Variants in CAPN5 observed in about 807,000 individuals in gnomAD.
CAPN5 encodes the protein calpain 5, also known as calpain-5.
Under a neutral mutation model 73.0 loss-of-function variants are expected in CAPN5, and 54 were observed. The observed-to-expected ratio is 0.74, with a 90% CI of 0.59 to 0.93. The LOEUF (loss-of-function observed/expected upper bound fraction) is 0.93, where lower values mean the gene tolerates loss of function less well. Ranked by LOEUF, CAPN5 falls within the 40% of genes least tolerant of loss-of-function variation. The pLI, the probability that CAPN5 is intolerant of heterozygous loss-of-function variation, is 0.00. For missense variants in CAPN5, 785 were observed against 882.9 expected, an observed-to-expected ratio of 0.89 and a Z score of 1.41; for synonymous variants, 335 against 356.9, an observed-to-expected ratio of 0.94 and a Z score of 0.69.
chr11:77,112,759 T>C lies in CAPN5; in HGVS notation c.468T>C (p.Asn156=). The stretch of plus-strand genomic sequence containing the variant: ...TCTACTGCCACTCCAACTCCCGCAA[T>C]GAGTTTTGGTGCGCCCTAGTGGAGA... ...QLIYCHSNSR[N]EFWCALVEKA... The change falls in exon 4 of 13, where the codon AAT becomes AAC. Residue 156 remains asparagine (N), a synonymous_variant. Coordinates refer to ENST00000648180, the MANE Select transcript of CAPN5 (RefSeq NM_004055.5). 1 of 1,614,108 alleles carries C rather than the reference T, an allele frequency of 6.2e-7. No individual in the cohort carries two copies. Among genetic ancestry groups the C allele is most frequent in the East Asian group, 2.2e-5 (1 of 44,884 alleles).
Position 77,115,530 on chromosome 11 carries a change from A to G in CAPN5, c.835A>G (p.Met279Val), listed in dbSNP as rs1950458240. 1 of 1,613,106 alleles carries G rather than the reference A, an allele frequency of 6.2e-7. No individual in the cohort carries two copies. Among genetic ancestry groups the G allele is most frequent in the Non-Finnish European group, 8.5e-7 (1 of 1,179,994 alleles). Residue 279 changes from methionine to valine, a missense_variant, in exon 6 of 13, where the codon ATG (methionine) becomes GTG (valine). Transcript: ENST00000648180. ...LAFFKSEKLD[M>V]IRLRNPWGER... is the part of the protein sequence containing the mutation. ...CTTCTTCAAGTCAGAGAAGTTGGAC[A>G]TGATCCGCCTGCGCAACCCCTGGGG...
At chr11:77,111,805 T>A (rs1178766302) in intron 3 of CAPN5, among the ~76,000 whole-genome samples, 1 of 152,164 alleles carries the variant, frequency 6.6e-6, no homozygotes, top group African/African-American at 2.4e-5. Context: ...CCAAGGGCCA[T>A]GAGACTGAGA....
intron 10 of CAPN5, among the ~76,000 whole-genome samples, chr11:77,121,212 T>G (rs1950517731): frequency 6.6e-6 from 1 of 152,230 alleles, no homozygotes; most frequent in African/African-American, 2.4e-5. Context: ...CCAGTGAGAT[T>G]CAGGGGCCGA....
Position 77,112,466 on chromosome 11 carries a change from T to C in CAPN5, c.298-123T>C. ...GTCTCACGAAGGCTTGTGGCAGAGT[T>C]GGAATCCGAACCCAGTATTCCTTTA... On this transcript the variant is annotated intron_variant, in intron 3 of 12. Coordinates refer to ENST00000648180, the MANE Select transcript of CAPN5 (RefSeq NM_004055.5). 4.1e-6 allele frequency: 3 copies of C among 738,038 alleles called. No individual in the cohort carries two copies. In the South Asian group the frequency reaches 5.1e-5, roughly 12 times the overall value. 45.7% of individuals were successfully genotyped at this position (738,038 alleles called of 1,614,324 possible).
intron 1 of CAPN5, among the ~76,000 whole-genome samples, chr11:77,071,990 G>T (rs1195705189): frequency 6.6e-6 from 1 of 152,134 alleles, no homozygotes; most frequent in Non-Finnish European, 1.5e-5. Flanking sequence ...GCCATACTGG[G>T]CCCCGCTTCT....
chr11:77,080,843 A>G (rs546229412), intron 1 of CAPN5, among the ~76,000 whole-genome samples: 2 of 152,324 alleles, frequency 1.3e-5, no homozygotes, highest in African/African-American at 4.8e-5. Flanking sequence ...CACCTTGCCC[A>G]AGGACACACA....
intron 1 of CAPN5, among the ~76,000 whole-genome samples, chr11:77,072,490 G>A (rs1949918639): frequency 6.6e-6 from 1 of 152,204 alleles, no homozygotes; most frequent in Non-Finnish European, 1.5e-5. Context: ...TGGAATGGGG[G>A]ACACACCTGA....
chr11:77,118,106 G>A (rs368529586), intron 7 of CAPN5, 51 bp from the exon 8 acceptor site: 6 of 1,537,656 alleles, frequency 3.9e-6, no homozygotes, highest in African/African-American at 2.7e-5. Context: ...GGGGCCAAGA[G>A]CCTGGGGAGG....
At chr11:77,107,318 C>T (rs1950362007) in intron 3 of CAPN5, among the ~76,000 whole-genome samples, 1 of 152,172 alleles carries the variant, frequency 6.6e-6, no homozygotes, top group African/African-American at 2.4e-5. Context: ...TACAGGAAAC[C>T]TCCCTGTAGC....
At chr11:77,121,090 T>C (rs1950516605) in intron 10 of CAPN5, among the ~76,000 whole-genome samples, 181 bp downstream of exon 10, 1 of 152,242 alleles carries the variant, frequency 6.6e-6, no homozygotes, top group African/African-American at 2.4e-5. Flanking sequence ...TCCCTGGCCA[T>C]GACTAGGAAC....
In CAPN5 at chr11:77,113,523, C is replaced by T. The variant is rs907862545; in HGVS notation, c.507-719C>T. Among the ~76,000 whole-genome samples, 265 of 152,218 alleles carry T rather than the reference C, an allele frequency of 1.7e-3. 3 individuals carry two copies. The highest frequency in any genetic ancestry group is 2.8e-3 in the Non-Finnish European group (188 of 68,018). Reference sequence around the variant, plus strand: ...ACTCTCTGGTTCCTCCTGCTAGGCCCATTTGTCAATCTTGCTGAAAAAATG... The same window carrying T: ...ACTCTCTGGTTCCTCCTGCTAGGCCTATTTGTCAATCTTGCTGAAAAAATG... On this transcript the variant is annotated intron_variant, in intron 4 of 12. Transcript: ENST00000648180.
At chr11:77,089,064 G>A (rs918433774) in intron 2 of CAPN5, among the ~76,000 whole-genome samples, 2 of 152,192 alleles carry the variant, frequency 1.3e-5, no homozygotes, top group African/African-American at 4.8e-5. Flanking sequence ...AACCTGCCAA[G>A]CTTTGCTAAG....
At chr11:77,103,064 G>A (rs2233549) in intron 3 of CAPN5, 339,206 of 1,613,472 alleles carry the variant, frequency 0.21, 36,614 homozygotes, top group South Asian at 0.3. Flanking sequence ...TGGACAAGCC[G>A]GGCAAGGTCA....
chr11:77,100,877 C>T (rs997979032), intron 3 of CAPN5, among the ~76,000 whole-genome samples: 5 of 152,234 alleles, frequency 3.3e-5, no homozygotes, highest in African/African-American at 9.6e-5. Flanking sequence ...TTCTATCAGC[C>T]TTCACCTTCA....
At chr11:77,081,746 G>A (rs528905855) in intron 1 of CAPN5, among the ~76,000 whole-genome samples, 1 of 152,296 alleles carries the variant, frequency 6.6e-6, no homozygotes, top group African/African-American at 2.4e-5. Context: ...GCTACAGTCT[G>A]GATAGTGGGG....
chr11:77,085,038 G>A lies in CAPN5; in HGVS notation c.152G>A (p.Trp51Ter), dbSNP rs782508604. Residue 51 changes from tryptophan (W) to a stop codon, truncating the protein, a stop_gained, in exon 2 of 13, where the codon TGG becomes TAG. Transcript: ENST00000648180. LOFTEE classifies it high-confidence loss of function. ...GGCACGCCGGGGCCCGCCGTCAGGTGGAAGCGACCCAAGGTCAGTGTCTGG... is the reference window on the plus strand; with the variant it reads ...GGCACGCCGGGGCCCGCCGTCAGGTAGAAGCGACCCAAGGTCAGTGTCTGG... ...YKGTPGPAVRWKRPKGICEDP... is the reference protein window; with the variant it reads ...YKGTPGPAVR 4 of 1,613,398 alleles carry A rather than the reference G, an allele frequency of 2.5e-6. No homozygotes were observed. The highest frequency in any genetic ancestry group is 1.7e-5 in the Admixed American group (1 of 60,022).
At chr11:77,091,897 C>A (rs187207885) in intron 2 of CAPN5, among the ~76,000 whole-genome samples, 105 of 152,338 alleles carry the variant, frequency 6.9e-4, no homozygotes, top group African/African-American at 2.2e-3. Context: ...GGGCTTGATA[C>A]TTTACATACA....
rs577861809 is a variant in CAPN5, at chr11:77,105,718, C to G, written c.298-6871C>G. Among the ~76,000 whole-genome samples, 7 of 152,342 alleles carry G rather than the reference C, an allele frequency of 4.6e-5. No individual in the cohort carries two copies. In the East Asian group the frequency reaches 1.3e-3, roughly 29 times the overall value. ...TTGGTTCTGTGAAGGTCCTTCCAGCCCCACCCTCCAGGAATTGTCAAACCT... is the reference window on the plus strand; with the variant it reads ...TTGGTTCTGTGAAGGTCCTTCCAGCGCCACCCTCCAGGAATTGTCAAACCT... On this transcript the variant is annotated intron_variant, in intron 3 of 12. Coordinates refer to ENST00000648180, the MANE Select transcript of CAPN5 (RefSeq NM_004055.5).
At chr11:77,073,399 C>T (rs11237077) in intron 1 of CAPN5, among the ~76,000 whole-genome samples, 18,197 of 152,112 alleles carry the variant, frequency 0.12, 1,859 homozygotes, top group African/African-American at 0.28. Context: ...CTTACAACAG[C>T]GGCTCCTGCT....
Sources: allele counts gnomAD v4.1 joint callset (sites outside exome capture counted in the v4.1 genomes callset), GRCh38; gene constraint gnomAD v4.1.1; transcripts MANE v1.5; gene names NCBI Gene and HGNC (gene_info 2026-07-23, HGNC 2026-07-21).